SEL1L3: variants seen among roughly 807,000 people sequenced by gnomAD.
SEL1L3 encodes the protein SEL1L family member 3, also known as protein sel-1 homolog 3.
SEL1L3 carries 76 observed loss-of-function variants against 142.8 expected under a neutral mutation model. That is an observed-to-expected ratio of 0.53 (90% CI 0.44 to 0.64). SEL1L3 has a LOEUF of 0.64. Ranked by LOEUF, SEL1L3 falls within the 30% of genes least tolerant of loss-of-function variation. The pLI is 0.00. For synonymous variants in SEL1L3, 504 were observed against 519.6 expected, an observed-to-expected ratio of 0.97 and a Z score of 0.41; for missense variants, 1,262 against 1,381.7, an observed-to-expected ratio of 0.91 and a Z score of 1.37.
At chr4:25,739,646 G>A in the SEL1L3 span, among the ~76,000 whole-genome samples, 1 of 151,750 alleles carries the variant, frequency 6.6e-6, no homozygotes, top group African/African-American at 2.4e-5. Flanking sequence ...TGCAGAGGTT[G>A]CAGTGATCCA....
At chr4:25,857,664 G>A (rs1717360488) in intron 1 of SEL1L3, among the ~76,000 whole-genome samples, 1 of 152,342 alleles carries the variant, frequency 6.6e-6, no homozygotes, top group African/African-American at 2.4e-5. Context: ...CCAAAAAGCA[G>A]AACCAAAATT....
At chr4:25,732,072 A>AAAGG in the SEL1L3 span, among the ~76,000 whole-genome samples, 10 of 152,048 alleles carry the variant, frequency 6.6e-5, no homozygotes, top group East Asian at 7.8e-4. Context: ...GGAGTCTGTG[A>AAAGG]AAGGAAGGAA....
At chr4:25,733,601 A>G in the SEL1L3 span, among the ~76,000 whole-genome samples, 1 of 150,198 alleles carries the variant, frequency 6.7e-6, no homozygotes, top group South Asian at 2.1e-4. Flanking sequence ...GCTCACTGCA[A>G]CCTCTGCCTC....
chr4:25,769,934 C>T (rs1474733459), intron 17 of SEL1L3, among the ~76,000 whole-genome samples: 1 of 151,986 alleles, frequency 6.6e-6, no homozygotes. Context: ...TCAAGACCAG[C>T]CTGGGCAACA....
the SEL1L3 span, among the ~76,000 whole-genome samples, chr4:25,736,308 C>T: frequency 6.6e-6 from 1 of 151,312 alleles, no homozygotes; most frequent in South Asian, 2.1e-4. Context: ...ACTGCAACCT[C>T]CGCCTCCTGG....
intron 13 of SEL1L3, among the ~76,000 whole-genome samples, chr4:25,786,224 C>A (rs1052464183): frequency 6.6e-6 from 1 of 152,182 alleles, no homozygotes; most frequent in Non-Finnish European, 1.5e-5. Flanking sequence ...CCAATGCCCC[C>A]ACACAGTCAA....
chr4:25,739,364 G>A, the SEL1L3 span, among the ~76,000 whole-genome samples: 3 of 152,072 alleles, frequency 2.0e-5, no homozygotes, highest in African/African-American at 7.2e-5. Context: ...TCACAACAAT[G>A]AACTATCTGG....
chr4:25,812,161 C>T (rs1714076381), intron 9 of SEL1L3, among the ~76,000 whole-genome samples: 1 of 152,174 alleles, frequency 6.6e-6, no homozygotes, highest in Admixed American at 6.5e-5. Context: ...GATCCTTCTT[C>T]TATATGACCA....
chr4:25,801,683 A>G (rs1463707779), intron 11 of SEL1L3, among the ~76,000 whole-genome samples: 2 of 152,140 alleles, frequency 1.3e-5, no homozygotes, highest in African/African-American at 4.8e-5. Flanking sequence ...AGTGTCCCTC[A>G]TCTAGTCCTT....
At chr4:25,751,587 C>T (rs573388201) in intron 23 of SEL1L3, among the ~76,000 whole-genome samples, 6 of 151,118 alleles carry the variant, frequency 4.0e-5, no homozygotes, top group Admixed American at 6.6e-5. Flanking sequence ...TGGTGGAATG[C>T]GAGCCAGGAG....
At chr4:25,758,681 T>G (rs1197922747) in intron 21 of SEL1L3, among the ~76,000 whole-genome samples, 1 of 151,568 alleles carries the variant, frequency 6.6e-6, no homozygotes, top group Non-Finnish European at 1.5e-5. Flanking sequence ...TTTCTTTTTT[T>G]TTTTTTTCTT....
rs771448124 is a variant in SEL1L3 at position 25,862,727 on chromosome 4, G to A, written c.110C>T (p.Pro37Leu). ...AAAMVPSGGV[P>L]QGLGGRSACA... ...GGCAGAGCGGCCGCCGAGGCCCTGGGGGACGCCGCCACTCGGGACCATGGC... is the reference window on the plus strand; with the variant it reads ...GGCAGAGCGGCCGCCGAGGCCCTGGAGGACGCCGCCACTCGGGACCATGGC... Residue 37 changes from proline to leucine, a missense_variant, in exon 1 of 24, where the codon CCC (proline) becomes CTC (leucine). Pro to Leu is a moderately conservative substitution (Grantham distance 98, BLOSUM62 -3). Around this residue, in one of 3 missense-constraint regions of SEL1L3, gnomAD observed 689 missense variants for 692.8 expected, o/e 0.99. Transcript: ENST00000399878. 16 of 1,282,812 alleles carry A rather than the reference G, an allele frequency of 1.2e-5. No individual in the cohort carries two copies. Among genetic ancestry groups the A allele is most frequent in the Non-Finnish European group, 1.6e-5 (16 of 1,013,238 alleles). 79.5% of individuals were successfully genotyped at this position (1,282,812 alleles called of 1,614,324 possible).
At chr4:25,749,976 G>A (rs1717481998) in intron 23 of SEL1L3, among the ~76,000 whole-genome samples, 1 of 152,230 alleles carries the variant, frequency 6.6e-6, no homozygotes, top group South Asian at 2.1e-4. Flanking sequence ...GCTCACGCCT[G>A]TAATCCCAGC....
intron 11 of SEL1L3, among the ~76,000 whole-genome samples, chr4:25,791,139 C>T (rs1040782105): frequency 6.6e-6 from 1 of 152,188 alleles, no homozygotes; most frequent in East Asian, 1.9e-4. Flanking sequence ...ATCAAAAAGG[C>T]AAATCAATAT....
At chr4:25,793,041 T>C (rs964932208) in intron 11 of SEL1L3, among the ~76,000 whole-genome samples, 2 of 152,220 alleles carry the variant, frequency 1.3e-5, no homozygotes, top group Non-Finnish European at 2.9e-5. Flanking sequence ...TTTGCCCAGA[T>C]TGACTCATCA....
intron 8 of SEL1L3, 83 bp from the exon 9 acceptor site, chr4:25,818,361 G>T: frequency 1.7e-6 from 2 of 1,196,344 alleles, no homozygotes; most frequent in Non-Finnish European, 2.2e-6. Context: ...TTCCTAACAG[G>T]AACTAGAAAG....
At chr4:25,772,615 A>G (rs1038825357) in intron 17 of SEL1L3, among the ~76,000 whole-genome samples, 7 of 152,082 alleles carry the variant, frequency 4.6e-5, no homozygotes, top group African/African-American at 1.7e-4. Flanking sequence ...AAGGAAAAGA[A>G]AGAAAAAAGA....
the SEL1L3 span, among the ~76,000 whole-genome samples, chr4:25,726,795 T>C: frequency 6.6e-6 from 1 of 152,194 alleles, no homozygotes; most frequent in Admixed American, 6.5e-5. Flanking sequence ...CGCCTACATT[T>C]GTGATTCTGT....
intron 23 of SEL1L3, among the ~76,000 whole-genome samples, chr4:25,750,440 GAA>G (rs1235010986): frequency 6.6e-6 from 1 of 152,128 alleles, no homozygotes; most frequent in Admixed American, 6.5e-5. Context: ...AAGCAAAAAA[GAA>G]AGAATACGTG....
Sources: allele counts gnomAD v4.1 joint callset (sites outside exome capture counted in the v4.1 genomes callset), GRCh38; gene constraint gnomAD v4.1.1; regional missense constraint gnomAD v4.1.1; transcripts MANE v1.5; gene names NCBI Gene and HGNC (gene_info 2026-07-23, HGNC 2026-07-21).